Variants in SMAD9 observed in about 807,000 individuals in gnomAD.
SMAD9 encodes the protein SMAD family member 9.
In SMAD9, 36 loss-of-function variants were observed where a neutral mutation model predicts 46.1. The observed-to-expected ratio is 0.78, with a 90% CI of 0.60 to 1.03. The LOEUF (loss-of-function observed/expected upper bound fraction) is 1.03, where lower values mean the gene tolerates loss of function less well. Among genes scored for constraint, SMAD9 ranks in the 50% least tolerant of loss-of-function variants. The pLI is 0.00. For missense variants in SMAD9, 572 were observed against 599.8 expected (o/e 0.95, Z 0.48); for synonymous variants, 245 against 237.1 (o/e 1.03, Z -0.31).
intron 1 of SMAD9, among the ~76,000 whole-genome samples, chr13:36,890,534 G>T (rs938063434): frequency 2.0e-5 from 3 of 152,072 alleles, no homozygotes; most frequent in Admixed American, 2.0e-4. Flanking sequence ...CAGATAAATT[G>T]TATTTTTCTA....
rs10660759 is a variant in SMAD9 at position 36,879,162 on chromosome 13, T to TCTCTTCTC, written c.412+115_412+116insGAGAAGAG. Reference sequence around the variant, plus strand: ...CAAAACTGAACCTCCCTCTCCTCTCTTCTCTCTCTCTCTTTTGGGAGAGGT... The same window carrying TCTCTTCTC: ...CAAAACTGAACCTCCCTCTCCTCTCTCTCTTCTCTCTCTCTCTCTCTTTTGGGAGAGGT... On this transcript the variant is annotated intron_variant, in intron 2 of 6. Transcript: ENST00000379826. 48 of 870,596 alleles carry TCTCTTCTC rather than the reference T, an allele frequency of 5.5e-5. No homozygotes were observed. The East Asian group carries it at 1.4e-3, about 25-fold the overall frequency. 53.9% of individuals were successfully genotyped at this position (870,596 alleles called of 1,614,324 possible).
intron 2 of SMAD9, among the ~76,000 whole-genome samples, chr13:36,876,559 CT>C (rs1156948236): frequency 6.6e-6 from 1 of 150,630 alleles, no homozygotes; most frequent in African/African-American, 2.5e-5. Flanking sequence ...TTTTCTAAGT[CT>C]TTTTAAAATT....
At chr13:36,910,461 ACT>A (rs1313348532) in intron 1 of SMAD9, among the ~76,000 whole-genome samples, 2 of 151,998 alleles carry the variant, frequency 1.3e-5, no homozygotes, top group East Asian at 1.9e-4. Flanking sequence ...CCAAATTTCT[ACT>A]CTGAGTCTGT....
At chr13:36,899,409 T>C (rs1223723528) in intron 1 of SMAD9, among the ~76,000 whole-genome samples, 4 of 152,304 alleles carry the variant, frequency 2.6e-5, no homozygotes. Context: ...TATATGTTGA[T>C]AGGGTGATTT....
chr13:36,909,656 A>C (rs769274804), intron 1 of SMAD9, among the ~76,000 whole-genome samples: 3 of 152,220 alleles, frequency 2.0e-5, no homozygotes, highest in Non-Finnish European at 2.9e-5. Flanking sequence ...TGGAGGAAGA[A>C]GACTCCAGTC....
At chr13:36,907,912 T>A (rs895002696) in intron 1 of SMAD9, among the ~76,000 whole-genome samples, 2 of 152,146 alleles carry the variant, frequency 1.3e-5, no homozygotes, top group Admixed American at 1.3e-4. Context: ...GAATCCCTGA[T>A]AAGGTAAAAT....
chr13:36,861,541 C>G (rs1315909155), intron 5 of SMAD9, among the ~76,000 whole-genome samples: 1 of 146,634 alleles, frequency 6.8e-6, no homozygotes, highest in Non-Finnish European at 1.5e-5. Context: ...GTCTCGAACT[C>G]CCGACCTCAG....
In SMAD9 at chr13:36,870,925, G is replaced by A. The variant is rs1271649941; in HGVS notation, c.670+1733C>T. On this transcript the variant is annotated intron_variant, in intron 3 of 6. Transcript: ENST00000379826. ...CTCACAGGTGGATAGCATCTACAAC[G>A]TGGATGCGCTGGGCAATGGAATGAT... is the stretch of plus-strand genomic sequence containing the variant. 5.9e-5 allele frequency among the ~76,000 whole-genome samples: 9 copies of A among 152,164 alleles called. No individual in the cohort carries two copies. In the South Asian group the frequency reaches 6.2e-4, roughly 11 times the overall value.
chr13:36,852,575 C>T, intron 6 of SMAD9: 2 of 984,128 alleles, frequency 2.0e-6, no homozygotes, highest in Non-Finnish European at 2.4e-6. Context: ...ACATATACTG[C>T]TCTCTGAATT....
At chr13:36,908,448 G>A (rs2058635478) in intron 1 of SMAD9, among the ~76,000 whole-genome samples, 1 of 152,186 alleles carries the variant, frequency 6.6e-6, no homozygotes, top group Non-Finnish European at 1.5e-5. Context: ...GAGTCTCCAT[G>A]ACTTCAAATC....
At chr13:36,878,769 C>T (rs1229854688) in intron 2 of SMAD9, among the ~76,000 whole-genome samples, 1 of 152,010 alleles carries the variant, frequency 6.6e-6, no homozygotes, top group Admixed American at 6.6e-5. Flanking sequence ...ATTTTTACAG[C>T]TCATCATTAT....
intron 4 of SMAD9, 125 bp from the exon 5 acceptor site, chr13:36,865,883 G>A (rs537538829): frequency 1.6e-4 from 122 of 772,378 alleles, no homozygotes; most frequent in East Asian, 4.0e-4. Flanking sequence ...CAAGCATGCC[G>A]CTCTGCAATC....
At chr13:36,862,291 G>C (rs1016150600) in intron 5 of SMAD9, among the ~76,000 whole-genome samples, 9 of 152,238 alleles carry the variant, frequency 5.9e-5, no homozygotes, top group African/African-American at 9.6e-5. Flanking sequence ...AGGTTGGCAC[G>C]AGATACAGGT....
At chr13:36,873,400 T>G (rs1462406576) in intron 2 of SMAD9, among the ~76,000 whole-genome samples, 2 of 152,198 alleles carry the variant, frequency 1.3e-5, no homozygotes, top group African/African-American at 4.8e-5. Context: ...ATATTTTTCC[T>G]TCAGAGATCA....
chr13:36,908,641 A>G (rs1299357731), intron 1 of SMAD9, among the ~76,000 whole-genome samples: 2 of 152,230 alleles, frequency 1.3e-5, no homozygotes, highest in Admixed American at 1.3e-4. Context: ...AAAATACATC[A>G]TCATCACTCC....
chr13:36,874,755 G>T (rs531890871), intron 2 of SMAD9, among the ~76,000 whole-genome samples: 9 of 151,408 alleles, frequency 5.9e-5, no homozygotes, highest in East Asian at 1.9e-4. Flanking sequence ...TACTTGGGGG[G>T]GCTGAGGTAG....
At chr13:36,878,258 G>C (rs572108230) in intron 2 of SMAD9, among the ~76,000 whole-genome samples, 1 of 152,086 alleles carries the variant, frequency 6.6e-6, no homozygotes, top group Non-Finnish European at 1.5e-5. Flanking sequence ...ATCATGTTTT[G>C]CTTGAGGGAC....
At chr13:36,862,309 A>T (rs995982322) in intron 5 of SMAD9, among the ~76,000 whole-genome samples, 2 of 152,052 alleles carry the variant, frequency 1.3e-5, no homozygotes, top group African/African-American at 4.8e-5. Context: ...GGTCACAAAG[A>T]CCCTGCTGGT....
chr13:36,919,732 C>T (rs2058726932), intron 1 of SMAD9, among the ~76,000 whole-genome samples: 1 of 150,046 alleles, frequency 6.7e-6, no homozygotes, highest in Non-Finnish European at 1.5e-5. Context: ...TGACAGGTCC[C>T]GGGGCCCGCG....
Sources: gnomAD v4.1 joint callset for allele counts (sites outside exome capture counted in the v4.1 genomes callset) on GRCh38, gnomAD v4.1.1 for gene constraint, MANE v1.5 for transcripts, NCBI Gene and HGNC (gene_info 2026-07-23, HGNC 2026-07-21) for gene names.